The following SPATA17 variants were observed in gnomAD, a reference collection of about 807,000 sequenced individuals.
SPATA17 encodes spermatogenesis-associated protein 17.
SPATA17 carries 53 observed loss-of-function variants against 62.2 expected under a neutral mutation model. The observed-to-expected ratio is 0.85, with a 90% CI of 0.68 to 1.07. The LOEUF is 1.07. SPATA17 is among the 50% of genes least tolerant of loss of function. The pLI is 0.00. For missense variants in SPATA17, 466 were observed against 425.5 expected, an observed-to-expected ratio of 1.10 and a Z score of -0.84; for synonymous variants, 146 against 146.8, an observed-to-expected ratio of 0.99 and a Z score of 0.04.
chr1:217,638,282 G>A (rs1669983747), intron 1 of SPATA17, among the ~76,000 whole-genome samples: 1 of 151,170 alleles, frequency 6.6e-6, no homozygotes, highest in Non-Finnish European at 1.5e-5. Flanking sequence ...AAGTTCTGCA[G>A]TGTTTGTTTT....
chr1:217,755,336 C>T (rs1673015154), intron 6 of SPATA17, among the ~76,000 whole-genome samples: 1 of 151,834 alleles, frequency 6.6e-6, no homozygotes, highest in Non-Finnish European at 1.5e-5. Context: ...CATAGAGTAT[C>T]ACAAGAGACA....
intron 6 of SPATA17, among the ~76,000 whole-genome samples, chr1:217,755,320 G>A (rs1357322919): frequency 6.6e-6 from 1 of 151,924 alleles, no homozygotes; most frequent in African/African-American, 2.4e-5. Flanking sequence ...AATGAATTAT[G>A]TTATTCATAG....
At position 217,669,052 on chromosome 1, in the gene SPATA17, T is replaced by C; in HGVS notation, c.260T>C (p.Met87Thr). Residue 87 changes from methionine to threonine, a missense_variant, in exon 4 of 11, where the codon ATG becomes ACG. Met to Thr is a moderately conservative substitution (Grantham distance 81, BLOSUM62 -1). Coordinates refer to ENST00000366933, the MANE Select transcript of SPATA17 (RefSeq NM_138796.4). ...TCACAGGTAGCATATTATACTATGATGATGAATCTCTACAATGCAATGGCT... is the reference window on the plus strand; with the variant it reads ...TCACAGGTAGCATATTATACTATGACGATGAATCTCTACAATGCAATGGCT... Reference protein sequence around the residue: ...LTVQVAYYTMMMNLYNAMAVR... With the variant: ...LTVQVAYYTMTMNLYNAMAVR... 1 of 1,611,902 alleles carries C rather than the reference T, an allele frequency of 6.2e-7. No homozygotes were observed. Among genetic ancestry groups the C allele is most frequent in the Non-Finnish European group, 8.5e-7 (1 of 1,179,238 alleles).
chr1:217,646,399 A>T (rs1670182600), intron 1 of SPATA17, among the ~76,000 whole-genome samples: 2 of 152,186 alleles, frequency 1.3e-5, no homozygotes, highest in Non-Finnish European at 2.9e-5. Flanking sequence ...AGATGTTTGT[A>T]TCATTTCAAA....
intron 9 of SPATA17, among the ~76,000 whole-genome samples, chr1:217,851,041 T>TA (rs1285180275): frequency 1.3e-5 from 2 of 152,186 alleles, no homozygotes; most frequent in Non-Finnish European, 2.9e-5. Context: ...GATTTGCACC[T>TA]ACTAAGAACT....
intron 3 of SPATA17, among the ~76,000 whole-genome samples, chr1:217,653,226 GTCTT>G (rs1465468207): frequency 6.6e-6 from 1 of 152,132 alleles, no homozygotes; most frequent in African/African-American, 2.4e-5. Context: ...TTTGAAGCTT[GTCTT>G]TCTTAGAATT....
intron 8 of SPATA17, chr1:217,785,136 G>C (rs1310322926): frequency 6.6e-6 from 1 of 152,102 alleles, no homozygotes; most frequent in Non-Finnish European, 1.5e-5. Flanking sequence ...TCCTCACGTG[G>C]TGTTCTCCCA....
At chr1:217,708,113 C>A (rs1448451570) in intron 5 of SPATA17, among the ~76,000 whole-genome samples, 1 of 152,058 alleles carries the variant, frequency 6.6e-6, no homozygotes, top group Admixed American at 6.6e-5. Flanking sequence ...AGAAATATCC[C>A]AAATTAATAA....
intron 6 of SPATA17, among the ~76,000 whole-genome samples, chr1:217,751,900 G>T (rs1171091245): frequency 6.6e-6 from 1 of 152,076 alleles, no homozygotes; most frequent in African/African-American, 2.4e-5. Flanking sequence ...AAATTCCTTA[G>T]AAAAACACAT....
At chr1:217,645,573 T>C (rs181495666) in intron 1 of SPATA17, among the ~76,000 whole-genome samples, 9 of 152,310 alleles carry the variant, frequency 5.9e-5, no homozygotes, top group East Asian at 1.9e-4. Flanking sequence ...TAAATATTAA[T>C]GGTAAAAGGT....
At chr1:217,773,761 TA>T (rs1260102675) in intron 6 of SPATA17, among the ~76,000 whole-genome samples, 2 of 152,142 alleles carry the variant, frequency 1.3e-5, no homozygotes, top group Non-Finnish European at 2.9e-5. Flanking sequence ...AATATAGTAT[TA>T]TAGCCTATAT....
At position 217,690,193 on chromosome 1, in the gene SPATA17, G is replaced by A. The variant is rs184201050; in HGVS notation, c.395+6832G>A. The stretch of plus-strand genomic sequence containing the variant: ...ACTGGGACTATAGGCGTGAGCCACC[G>A]GGCCCAGCCTTTACTTTAGTTTTTC... On this transcript the variant is annotated intron_variant, in intron 5 of 10. Coordinates refer to ENST00000366933, the MANE Select transcript of SPATA17 (RefSeq NM_138796.4). Among the ~76,000 whole-genome samples, 82 of 152,118 alleles carry A rather than the reference G, an allele frequency of 5.4e-4. 1 individual carries two copies. Among genetic ancestry groups the A allele is most frequent in the African/African-American group, 1.6e-3 (67 of 41,552 alleles).
At chr1:217,687,998 A>G (rs556729212) in intron 5 of SPATA17, among the ~76,000 whole-genome samples, 1 of 152,316 alleles carries the variant, frequency 6.6e-6, no homozygotes, top group Non-Finnish European at 1.5e-5. Context: ...AAAAAACATC[A>G]TACATATTAG....
At chr1:217,768,772 G>A (rs781539313) in intron 6 of SPATA17, among the ~76,000 whole-genome samples, 3 of 151,772 alleles carry the variant, frequency 2.0e-5, no homozygotes, top group Non-Finnish European at 2.9e-5. Flanking sequence ...GATTACAGAC[G>A]TGAGCCACCG....
intron 9 of SPATA17, among the ~76,000 whole-genome samples, chr1:217,843,830 T>C (rs1310280209): frequency 6.6e-6 from 1 of 152,182 alleles, no homozygotes. Context: ...TTCTATAGAA[T>C]AGAACCTTTG....
chr1:217,863,956 G>T (rs564098197), intron 10 of SPATA17, among the ~76,000 whole-genome samples: 2 of 152,256 alleles, frequency 1.3e-5, no homozygotes, highest in South Asian at 2.1e-4. Flanking sequence ...TCCAGGCAAA[G>T]TTCCTTCGAT....
At chr1:217,839,614 T>C (rs1459816338) in intron 9 of SPATA17, among the ~76,000 whole-genome samples, 1 of 152,048 alleles carries the variant, frequency 6.6e-6, no homozygotes, top group Admixed American at 6.6e-5. Flanking sequence ...GCTGATCAAG[T>C]GGTAGAAAGC....
chr1:217,763,325 C>T (rs1249702377), intron 6 of SPATA17, among the ~76,000 whole-genome samples: 1 of 151,828 alleles, frequency 6.6e-6, no homozygotes, highest in Admixed American at 6.6e-5. Flanking sequence ...CATGAAAAGT[C>T]TTTCTAAAGA....
chr1:217,805,389 G>T (rs12145546), intron 9 of SPATA17, among the ~76,000 whole-genome samples: 30,978 of 152,076 alleles, frequency 0.2, 3,695 homozygotes, highest in East Asian at 0.49. Context: ...GGAGGTAGGG[G>T]TGAGAAATGA....
Sources: allele counts gnomAD v4.1 joint callset (sites outside exome capture counted in the v4.1 genomes callset), GRCh38; gene constraint gnomAD v4.1.1; transcripts MANE v1.5; gene names NCBI Gene and HGNC (gene_info 2026-07-23, HGNC 2026-07-21).